Variants in HS3ST4 observed in about 807,000 individuals in gnomAD.
HS3ST4 encodes heparan sulfate glucosamine 3-O-sulfotransferase 4.
In HS3ST4, 17 loss-of-function variants were observed where a neutral mutation model predicts 29.2. The observed-to-expected ratio is 0.58, with a 90% CI of 0.40 to 0.87. The LOEUF (loss-of-function observed/expected upper bound fraction) is 0.87, where lower values mean the gene tolerates loss of function less well. Among genes scored for constraint, HS3ST4 ranks in the 40% least tolerant of loss-of-function variants. The probability of loss-of-function intolerance (pLI) is 0.00; values close to 1 mark genes in which losing one functional copy is unlikely to be tolerated. For synonymous variants in HS3ST4, 314 were observed against 285.7 expected, an observed-to-expected ratio of 1.10 and a Z score of -1.00; for missense variants, 627 against 634.5, an observed-to-expected ratio of 0.99 and a Z score of 0.13.
chr16:25,882,955 G>A lies in HS3ST4; in HGVS notation c.734+189804G>A, dbSNP rs561756081. Among the ~76,000 whole-genome samples, 34 of 152,250 alleles carry A rather than the reference G, an allele frequency of 2.2e-4. No homozygotes were observed. In the South Asian group the frequency reaches 4.8e-3, roughly 21 times the overall value. ...TTCTACTGCTCTGACCTCTGGGAGG[G>A]TGACAGAGAACTCATGGATCTTGCT... On this transcript the variant is annotated intron_variant, in intron 1 of 1. Transcript: ENST00000331351.
chr16:25,777,421 GT>G (rs1266176393), intron 1 of HS3ST4, among the ~76,000 whole-genome samples: 2 of 146,242 alleles, frequency 1.4e-5, no homozygotes, highest in African/African-American at 5.5e-5. Context: ...AAGTGTGTGT[GT>G]GTGTGTGTGT....
intron 1 of HS3ST4, 62 bp downstream of exon 1, chr16:25,693,213 CG>C: frequency 4.1e-6 from 6 of 1,457,306 alleles, no homozygotes; most frequent in Admixed American, 2.5e-5. Context: ...GGGGAAGCCG[CG>C]GCTTTCCACG....
chr16:25,779,684 C>T (rs1011129479), intron 1 of HS3ST4, among the ~76,000 whole-genome samples: 2 of 152,204 alleles, frequency 1.3e-5, no homozygotes, highest in African/African-American at 4.8e-5. Context: ...AGAGCAGGCA[C>T]ACTTAAATCC....
intron 1 of HS3ST4, among the ~76,000 whole-genome samples, chr16:25,768,717 G>A (rs2141609967): frequency 6.6e-6 from 1 of 152,272 alleles, no homozygotes; most frequent in South Asian, 2.1e-4. Context: ...TCAGTGGAGA[G>A]GAGAGATGGT....
At position 25,939,975 on chromosome 16, in the gene HS3ST4, G is replaced by A. The variant is rs566250949; in HGVS notation, c.735-195637G>A. Among the ~76,000 whole-genome samples, 343 of 152,248 alleles carry A rather than the reference G, an allele frequency of 2.3e-3. 3 individuals are homozygous for A. Among genetic ancestry groups the A allele is most frequent in the African/African-American group, 7.7e-3 (322 of 41,550 alleles). ...CCCCGGGAGTTACAACCATAAATAC[G>A]TGGGATGGTAGGTAGGTAATAAGGC... On this transcript the variant is annotated intron_variant, in intron 1 of 1. Coordinates refer to ENST00000331351, the MANE Select transcript of HS3ST4 (RefSeq NM_006040.3).
At chr16:26,044,016 A>G (rs1264014403) in intron 1 of HS3ST4, among the ~76,000 whole-genome samples, 1 of 152,222 alleles carries the variant, frequency 6.6e-6, no homozygotes, top group African/African-American at 2.4e-5. Context: ...CAGCATAGGA[A>G]ATTGAAGCAC....
At chr16:25,941,038 T>C (rs563625798) in intron 1 of HS3ST4, among the ~76,000 whole-genome samples, 15 of 152,356 alleles carry the variant, frequency 9.8e-5, no homozygotes, top group Admixed American at 5.9e-4. Context: ...CTCTTTCTCA[T>C]GTAAGTCTCA....
chr16:25,701,592 AG>A (rs1384041135), intron 1 of HS3ST4, among the ~76,000 whole-genome samples: 4 of 152,192 alleles, frequency 2.6e-5, no homozygotes, highest in Non-Finnish European at 2.9e-5. Context: ...GAGGGATTAG[AG>A]AGACTGGAGG....
At chr16:25,699,320 T>A (rs1399248526) in intron 1 of HS3ST4, among the ~76,000 whole-genome samples, 5 of 152,190 alleles carry the variant, frequency 3.3e-5, no homozygotes, top group African/African-American at 7.2e-5. Context: ...CCCGGATATA[T>A]TGCAACATCC....
intron 1 of HS3ST4, among the ~76,000 whole-genome samples, chr16:26,005,731 T>TG (rs1969252085): frequency 7.0e-6 from 1 of 142,274 alleles, no homozygotes; most frequent in Non-Finnish European, 1.5e-5. Context: ...TTTTACTGTG[T>TG]GAAAAAAAAA....
chr16:25,767,812 G>T (rs1966830592), intron 1 of HS3ST4, among the ~76,000 whole-genome samples: 1 of 152,180 alleles, frequency 6.6e-6, no homozygotes, highest in African/African-American at 2.4e-5. Flanking sequence ...CATACTCAGG[G>T]TTGCACAGCT....
chr16:25,938,130 C>T (rs1968535462), intron 1 of HS3ST4, among the ~76,000 whole-genome samples: 1 of 152,136 alleles, frequency 6.6e-6, no homozygotes, highest in African/African-American at 2.4e-5. Flanking sequence ...CAACTGTATC[C>T]TCTCCCCAAA....
At chr16:25,940,811 C>T (rs1039055599) in intron 1 of HS3ST4, among the ~76,000 whole-genome samples, 1 of 152,228 alleles carries the variant, frequency 6.6e-6, no homozygotes, top group Non-Finnish European at 1.5e-5. Flanking sequence ...TAACCAAGTC[C>T]TTCACTGCCC....
chr16:25,830,562 G>GCCAATGACTAAGTTGACTTAAAGATGTCA (rs1967285069), intron 1 of HS3ST4, among the ~76,000 whole-genome samples: 1 of 152,246 alleles, frequency 6.6e-6, no homozygotes, highest in East Asian at 1.9e-4. Flanking sequence ...TAAAGATGTC[G>GCCAATGACTAAGTTGACTTAAAGATGTCA]CCAGTGTCCC....
intron 1 of HS3ST4, among the ~76,000 whole-genome samples, chr16:25,905,553 C>T (rs1170372303): frequency 6.6e-6 from 1 of 152,128 alleles, no homozygotes. Flanking sequence ...CCTGGATCTA[C>T]ATATCAGCAA....
At chr16:25,946,760 T>G (rs750854943) in intron 1 of HS3ST4, among the ~76,000 whole-genome samples, 75 of 151,642 alleles carry the variant, frequency 4.9e-4, no homozygotes, top group Non-Finnish European at 5.3e-4. Flanking sequence ...ACCAAACAGA[T>G]CAGGAAAGGC....
At chr16:25,779,564 G>A (rs552931743) in intron 1 of HS3ST4, among the ~76,000 whole-genome samples, 1 of 152,154 alleles carries the variant, frequency 6.6e-6, no homozygotes, top group South Asian at 2.1e-4. Context: ...AGACCCTGAG[G>A]AGTCTAAACC....
intron 1 of HS3ST4, among the ~76,000 whole-genome samples, chr16:25,831,396 TACACACAC>T (rs58851793): frequency 0.11 from 13,519 of 126,006 alleles, 737 homozygotes; most frequent in East Asian, 0.13. Context: ...ACCCCGTCTC[TACACACAC>T]ACACACACAC....
At chr16:25,996,610 A>AT (rs547391724) in intron 1 of HS3ST4, among the ~76,000 whole-genome samples, 3 of 152,112 alleles carry the variant, frequency 2.0e-5, no homozygotes, top group African/African-American at 7.2e-5. Context: ...CTCAAGGTTA[A>AT]TTTTCCCCCA....
Sources: gnomAD v4.1 joint callset for allele counts (sites outside exome capture counted in the v4.1 genomes callset) on GRCh38, gnomAD v4.1.1 for gene constraint, MANE v1.5 for transcripts, NCBI Gene and HGNC (gene_info 2026-07-23, HGNC 2026-07-21) for gene names.